Variants in TTC7A observed in about 807,000 individuals in gnomAD.
The protein encoded by TTC7A is tetratricopeptide repeat domain 7A, also known as tetratricopeptide repeat protein 7A.
A neutral mutation model predicts 103.7 loss-of-function variants in TTC7A; 110 were observed. The ratio of observed to expected loss-of-function variants is 1.06; its 90% CI spans 0.91 to 1.24. The LOEUF (loss-of-function observed/expected upper bound fraction) is 1.24. Ranked by LOEUF, TTC7A falls within the 50% of genes most tolerant of loss-of-function variation. The pLI, the probability that TTC7A is intolerant of heterozygous loss-of-function variation, is 0.00. For missense variants in TTC7A, 1,340 were observed against 1,116.3 expected (o/e 1.20, Z -2.86); for synonymous variants, 521 against 467.9 (o/e 1.11, Z -1.47).
At chr2:46,997,138 C>G (rs573790970) in intron 8 of TTC7A, among the ~76,000 whole-genome samples, 1 of 152,200 alleles carries the variant, frequency 6.6e-6, no homozygotes, top group South Asian at 2.1e-4. Context: ...GCCACCACAC[C>G]TGGCTGATTT....
At chr2:47,069,907 G>C (rs1431039881) in intron 19 of TTC7A, among the ~76,000 whole-genome samples, 1 of 152,150 alleles carries the variant, frequency 6.6e-6, no homozygotes, top group Non-Finnish European at 1.5e-5. Context: ...TGGCTTCCCA[G>C]CTGGAAAGGC....
intron 3 of TTC7A, among the ~76,000 whole-genome samples, chr2:46,972,811 G>A (rs1673490204): frequency 1.3e-5 from 2 of 152,234 alleles, no homozygotes; most frequent in African/African-American, 4.8e-5. Context: ...TGCTGTTCTA[G>A]GGTTGTGGTT....
intron 3 of TTC7A, among the ~76,000 whole-genome samples, chr2:46,973,102 C>G (rs370727232): frequency 2.6e-5 from 4 of 152,116 alleles, no homozygotes; most frequent in East Asian, 3.9e-4. Flanking sequence ...AAAATGCACC[C>G]CGAGGGGCTC....
At chr2:47,002,566 G>A (rs184113125) in intron 8 of TTC7A, among the ~76,000 whole-genome samples, 1 of 152,246 alleles carries the variant, frequency 6.6e-6, no homozygotes, top group East Asian at 1.9e-4. Flanking sequence ...TGGCCTGAGG[G>A]CAGTGAGCCA....
intron 8 of TTC7A, among the ~76,000 whole-genome samples, chr2:47,002,858 G>A (rs1398268573): frequency 6.6e-6 from 1 of 152,078 alleles, no homozygotes; most frequent in African/African-American, 2.4e-5. Context: ...GCCCACTTCT[G>A]CTTCTGGCTG....
chr2:47,004,170 G>C (rs1009349465), intron 8 of TTC7A, among the ~76,000 whole-genome samples: 1 of 152,192 alleles, frequency 6.6e-6, no homozygotes, highest in African/African-American at 2.4e-5. Context: ...GGCCATCTAA[G>C]TCCATGGGGG....
intron 2 of TTC7A, among the ~76,000 whole-genome samples, chr2:46,954,157 T>C (rs997964183): frequency 6.6e-6 from 1 of 152,234 alleles, no homozygotes; most frequent in East Asian, 1.9e-4. Context: ...GTTCCCACGT[T>C]AGTCTGTGAA....
intron 5 of TTC7A, among the ~76,000 whole-genome samples, chr2:46,987,151 G>A (rs1675095752): frequency 6.6e-6 from 1 of 152,220 alleles, no homozygotes; most frequent in African/African-American, 2.4e-5. Flanking sequence ...GGTGGGTGGG[G>A]GTGGAGGGCG....
chr2:46,944,629 G>A (rs1255248352), intron 1 of TTC7A, among the ~76,000 whole-genome samples: 2 of 152,026 alleles, frequency 1.3e-5, no homozygotes, highest in Non-Finnish European at 1.5e-5. Flanking sequence ...AGGCCAAGAC[G>A]GGAGGATCAC....
intron 2 of TTC7A, among the ~76,000 whole-genome samples, chr2:46,922,162 C>T (rs1400579195): frequency 6.6e-6 from 1 of 152,062 alleles, no homozygotes; most frequent in Non-Finnish European, 1.5e-5. Context: ...ACTTTAGTTA[C>T]TTATAGATTC....
At chr2:46,996,648 C>T (rs1676217259) in intron 8 of TTC7A, among the ~76,000 whole-genome samples, 1 of 152,174 alleles carries the variant, frequency 6.6e-6, no homozygotes, top group African/African-American at 2.4e-5. Context: ...GGAGTGCCAG[C>T]TGGCCAGGGT....
At chr2:46,915,882 C>A (rs935233482), upstream of TTC7A, 4 of 984,580 alleles carry the variant, frequency 4.1e-6, no homozygotes, top group African/African-American at 3.5e-5. Context: ...GCCGCCGGGC[C>A]CCTCCCGCTG....
At position 46,993,548 on chromosome 2, in the gene TTC7A, G is replaced by A; in HGVS notation, c.843+20G>A. 6.2e-7 allele frequency: 1 copy of A among 1,612,900 alleles called. No individual in the cohort carries two copies. Among genetic ancestry groups the A allele is most frequent in the Middle Eastern group, 1.7e-4 (1 of 6,046 alleles). On this transcript the variant is annotated intron_variant, in intron 6 of 19. Transcript: ENST00000319190. ...AAAGTGGTAATGTGGGGTGCTGGCAGTGCTGGCTTATTTAGGAGTCAGCTT... is the reference window on the plus strand; with the variant it reads ...AAAGTGGTAATGTGGGGTGCTGGCAATGCTGGCTTATTTAGGAGTCAGCTT...
chr2:46,931,672 GA>G (rs1203911694), intron 2 of TTC7A, among the ~76,000 whole-genome samples: 4 of 144,942 alleles, frequency 2.8e-5, no homozygotes, highest in African/African-American at 5.3e-5. Context: ...TTCTTTGGGG[GA>G]AAAAACAAAA....
At chr2:46,935,838 C>T (rs191785195) in intron 2 of TTC7A, among the ~76,000 whole-genome samples, 1 of 152,096 alleles carries the variant, frequency 6.6e-6, no homozygotes. Flanking sequence ...ACCTATAATC[C>T]TAGAGACTAG....
At chr2:46,956,294 T>G (rs1326683425) in intron 2 of TTC7A, among the ~76,000 whole-genome samples, 1 of 152,160 alleles carries the variant, frequency 6.6e-6, no homozygotes, top group Non-Finnish European at 1.5e-5. Flanking sequence ...CAGCAGGCCC[T>G]CTCCTCCTCA....
chr2:47,037,298 C>T (rs1197447538), intron 15 of TTC7A, among the ~76,000 whole-genome samples: 1 of 152,202 alleles, frequency 6.6e-6, no homozygotes, highest in Admixed American at 6.5e-5. Context: ...GTAGGGAAAC[C>T]CCCACTAAGC....
chr2:46,932,805 G>A (rs1669778501), intron 2 of TTC7A, among the ~76,000 whole-genome samples: 1 of 150,900 alleles, frequency 6.6e-6, no homozygotes, highest in Non-Finnish European at 1.5e-5. Flanking sequence ...AGCAGCTGAG[G>A]CAGGAGGATC....
In TTC7A at chr2:46,941,631, G is replaced by A. The variant is rs1670389954; in HGVS notation, c.90G>A (p.Pro30=). 6 of 1,554,850 alleles carry A rather than the reference G, an allele frequency of 3.9e-6. No homozygotes were observed. The highest frequency in any genetic ancestry group is 2.4e-5 in the East Asian group (1 of 41,396). ...CRAEGHWDRM[P]ELVRQLQTLS... is the part of the protein sequence containing the mutation. ...CCGAGGGCCACTGGGACCGCATGCC[G>A]GAGCTGGTCCGGCAGCTGCAGACGC... Residue 30 remains proline (P), a synonymous_variant, in exon 1 of 20, where the codon CCG becomes CCA. Coordinates refer to ENST00000319190, the MANE Select transcript of TTC7A (RefSeq NM_020458.4). This position sits in a 1 kb window ranked among gnomAD's most constrained non-coding sequence, Gnocchi z 4.2.
Sources: gnomAD v4.1 joint callset for allele counts (sites outside exome capture counted in the v4.1 genomes callset) on GRCh38, gnomAD v4.1.1 for gene constraint, Gnocchi (gnomAD v3.1) non-coding constraint, MANE v1.5 for transcripts, NCBI Gene and HGNC (gene_info 2026-07-23, HGNC 2026-07-21) for gene names.